Variants in BCAS3 observed in about 807,000 individuals in gnomAD.
BCAS3 encodes BCAS3 microtubule associated cell migration factor, also known as BCAS4/BCAS3 fusion.
In BCAS3, 53 loss-of-function variants were observed where a neutral mutation model predicts 116.1. The observed-to-expected ratio is 0.46, with a 90% CI of 0.37 to 0.57. The LOEUF (loss-of-function observed/expected upper bound fraction) is 0.57. Among genes scored for constraint, BCAS3 ranks in the 20% least tolerant of loss-of-function variants. The pLI, the probability that BCAS3 is intolerant of heterozygous loss-of-function variation, is 0.00. For synonymous variants in BCAS3, 391 were observed against 408.2 expected (o/e 0.96, Z 0.51); for missense variants, 917 against 1,165.4 (o/e 0.79, Z 3.10).
At chr17:60,977,605 A>T (rs1370358789) in intron 14 of BCAS3, among the ~76,000 whole-genome samples, 1 of 150,494 alleles carries the variant, frequency 6.6e-6, no homozygotes, top group Admixed American at 6.6e-5. Flanking sequence ...GCACCCACTA[A>T]CTCGTCATCT....
intron 7 of BCAS3, among the ~76,000 whole-genome samples, chr17:60,830,850 GTT>G (rs200560565): frequency 0.013 from 1,814 of 139,552 alleles, 35 homozygotes; most frequent in African/African-American, 0.041. Context: ...TAATTTTTGG[GTT>G]TTTTTTTTTT....
chr17:60,704,631 A>G (rs988328138), intron 4 of BCAS3, among the ~76,000 whole-genome samples: 1 of 152,022 alleles, frequency 6.6e-6, no homozygotes, highest in African/African-American at 2.4e-5. Flanking sequence ...ACTTGAGGTC[A>G]GGAGTTCGAG....
At position 61,111,429 on chromosome 17, in the gene BCAS3, C is replaced by T. The variant is rs1437807748; in HGVS notation, c.2425+26865C>T. Among the ~76,000 whole-genome samples the T allele has an allele frequency of 4.9e-3, 736 of 150,610 alleles. 4 individuals carry two copies. The highest frequency in any genetic ancestry group is 0.016 in the African/African-American group (666 of 41,020). On this transcript the variant is annotated intron_variant, in intron 22 of 23. Coordinates refer to ENST00000407086, the MANE Select transcript of BCAS3 (RefSeq NM_017679.5). ...GCTGAAAACCAAGGCTCGAGAACTA[C>T]GTGAAGAATGCAGAAGCCTCAGGAG... is the stretch of plus-strand genomic sequence containing the variant.
Position 61,097,636 on chromosome 17 carries a change from G to A in BCAS3, c.2425+13072G>A, listed in dbSNP as rs1293292919. On this transcript the variant is annotated intron_variant, in intron 22 of 23. Transcript: ENST00000407086. This position sits in a 1 kb window ranked among gnomAD's most constrained non-coding sequence, Gnocchi z 4.0. ...TCTTCAGGATATTTTTCAATAGACA[G>A]AAGTAAAAGAGATGGGAAACCAGTA... Among the ~76,000 whole-genome samples, 2 of 152,164 alleles carry A rather than the reference G, an allele frequency of 1.3e-5. No individual in the cohort carries two copies. The highest frequency in any genetic ancestry group is 2.9e-5 in the Non-Finnish European group (2 of 68,034).
chr17:60,966,007 A>C (rs1406893285), intron 14 of BCAS3, among the ~76,000 whole-genome samples: 1 of 152,154 alleles, frequency 6.6e-6, no homozygotes, highest in Non-Finnish European at 1.5e-5. Context: ...TAGACTTGAG[A>C]TGTCCAGTGT....
At position 61,141,919 on chromosome 17, in the gene BCAS3, AAGTT is replaced by A. The variant is rs55821840; in HGVS notation, c.2425+57358_2425+57361del. 0.83 allele frequency among the ~76,000 whole-genome samples: 116,985 copies of A among 141,552 alleles called. 51,449 individuals are homozygous for A. The highest frequency in any genetic ancestry group is 0.97 in the South Asian group (4,471 of 4,590). 92.9% of individuals were successfully genotyped at this position (141,552 alleles called of 152,430 possible). A position where few individuals can be genotyped will look rare whatever the true frequency, so the allele number is the denominator to read the frequency against. ...CACCTCAAGAAAAAAAAAAAAAAAA[AAGTT>A]AGACAATTATACAGAGATACTCAAG... On this transcript the variant is annotated intron_variant, in intron 22 of 23. Transcript: ENST00000407086. The surrounding 1 kb of genome is among the most constrained non-coding windows in gnomAD (Gnocchi z 4.3).
In BCAS3 at chr17:61,176,154, A is replaced by G. The variant is rs564988729; in HGVS notation, c.2425+91590A>G. ...ACCCTATCTCAAAAAAAAAAAAAAA[A>G]AAAAAAAGAAAAAGAAAAAGAAAAA... is the stretch of plus-strand genomic sequence containing the variant. On this transcript the variant is annotated intron_variant, in intron 22 of 23. Transcript: ENST00000407086. Among the ~76,000 whole-genome samples, 53 of 150,036 alleles carry G rather than the reference A, an allele frequency of 3.5e-4. No individual in the cohort carries two copies. The South Asian group carries it at 7.9e-3, about 22-fold the overall frequency.
rs1349707086 is a variant in BCAS3, at chr17:61,037,166, G to A, written c.1763-723G>A. The stretch of plus-strand genomic sequence containing the variant: ...TAGATGAGACATTAGGCTGATTTAG[G>A]CATACAACTAACCTTTCATGCAAGT... On this transcript the variant is annotated intron_variant, in intron 17 of 23. Coordinates refer to ENST00000407086, the MANE Select transcript of BCAS3 (RefSeq NM_017679.5). This position sits in a 1 kb window ranked among gnomAD's most constrained non-coding sequence, Gnocchi z 4.7. 1.3e-5 allele frequency among the ~76,000 whole-genome samples: 2 copies of A among 152,124 alleles called. No individual in the cohort carries two copies. The highest frequency in any genetic ancestry group is 1.9e-4 in the East Asian group (1 of 5,190).
At chr17:60,987,396 T>C (rs1365391694) in intron 14 of BCAS3, among the ~76,000 whole-genome samples, 2 of 151,984 alleles carry the variant, frequency 1.3e-5, no homozygotes, top group Non-Finnish European at 2.9e-5. Flanking sequence ...GGTATTTTGA[T>C]AGGGATTGCA....
At position 61,368,149 on chromosome 17, in the gene BCAS3, T is replaced by A; in HGVS notation, c.2426-178T>A. 2 of 564,140 alleles carry A rather than the reference T, an allele frequency of 3.5e-6. No homozygotes were observed. Among genetic ancestry groups the A allele is most frequent in the East Asian group, 5.6e-5 (2 of 35,424 alleles). 34.9% of individuals were successfully genotyped at this position (564,140 alleles called of 1,614,324 possible). A position where few individuals can be genotyped will look rare whatever the true frequency, so the allele number is the denominator to read the frequency against. ...CGGAAGTCACTCCAGAGGTCTGCAC[T>A]CTCTCAGCGGCATGAGCTATTTCTC... On this transcript the variant is annotated intron_variant, in intron 22 of 23. Coordinates refer to ENST00000407086, the MANE Select transcript of BCAS3 (RefSeq NM_017679.5). The surrounding 1 kb of genome is among the most constrained non-coding windows in gnomAD (Gnocchi z 6.0).
chr17:61,018,297 T>TG (rs1314842445), intron 16 of BCAS3, among the ~76,000 whole-genome samples: 1 of 121,806 alleles, frequency 8.2e-6, no homozygotes, highest in Non-Finnish European at 1.6e-5. Flanking sequence ...CCAGTTTTTT[T>TG]TTTTTTTTTT....
rs1449946183 is a variant in BCAS3 at position 61,370,811 on chromosome 17, A to G, written c.2593+2317A>G. Reference sequence around the variant, plus strand: ...AGGTAAAGCATCAGCCTGGTAGTGCAGCCCAGGACTTTGAAAGGGCACCCT... The same window carrying G: ...AGGTAAAGCATCAGCCTGGTAGTGCGGCCCAGGACTTTGAAAGGGCACCCT... On this transcript the variant is annotated intron_variant, in intron 23 of 23. Transcript: ENST00000407086. 3.9e-5 allele frequency among the ~76,000 whole-genome samples: 6 copies of G among 152,376 alleles called. No individual in the cohort carries two copies. In the East Asian group the frequency reaches 9.6e-4, roughly 24 times the overall value.
intron 6 of BCAS3, among the ~76,000 whole-genome samples, chr17:60,761,336 A>G (rs1478173663): frequency 6.6e-6 from 1 of 151,914 alleles, no homozygotes; most frequent in Non-Finnish European, 1.5e-5. Flanking sequence ...GACATTAGAT[A>G]TTTCTCCTAA....
rs2063700500 is a variant in BCAS3, at chr17:60,994,168, T to C, written c.1486+3933T>C. Among the ~76,000 whole-genome samples, 1 of 152,108 alleles carries C rather than the reference T, an allele frequency of 6.6e-6. No individual in the cohort carries two copies. The highest frequency in any genetic ancestry group is 2.4e-5 in the African/African-American group (1 of 41,460). On this transcript the variant is annotated intron_variant, in intron 15 of 23. Transcript: ENST00000407086. The surrounding 1 kb of genome is among the most constrained non-coding windows in gnomAD (Gnocchi z 4.4). Reference sequence around the variant, plus strand: ...ATGCAGAATTACTCATATCACTTTATATATGAAATATATATCTTGAAGTAT... The same window carrying C: ...ATGCAGAATTACTCATATCACTTTACATATGAAATATATATCTTGAAGTAT...
At chr17:61,273,686 G>A (rs1355102988) in intron 22 of BCAS3, among the ~76,000 whole-genome samples, 1 of 147,936 alleles carries the variant, frequency 6.8e-6, no homozygotes, top group Admixed American at 6.7e-5. Flanking sequence ...CCGGTTTCAT[G>A]TATCAGACCA....
At chr17:61,372,689 G>A (rs573560548) in intron 23 of BCAS3, among the ~76,000 whole-genome samples, 1 of 152,302 alleles carries the variant, frequency 6.6e-6, no homozygotes, top group African/African-American at 2.4e-5. Flanking sequence ...AGCATACGCA[G>A]TCTCTTGCCC....
At position 61,368,075 on chromosome 17, in the gene BCAS3, AC is replaced by A; in HGVS notation, c.2426-249del. On this transcript the variant is annotated intron_variant, in intron 22 of 23. Coordinates refer to ENST00000407086, the MANE Select transcript of BCAS3 (RefSeq NM_017679.5). The surrounding 1 kb of genome is among the most constrained non-coding windows in gnomAD (Gnocchi z 6.0). ...AAGGTGGTCCCTGAAGACCAGGGGA[AC>A]CCTGTAGCTCCTCAGAAACAGTTGT... 2.8e-6 allele frequency: 1 copy of A among 354,592 alleles called. No homozygotes were observed. The highest frequency in any genetic ancestry group is 2.1e-5 in the African/African-American group (1 of 48,280). The allele number at this position is 354,592 out of a possible 1,614,324, so 22.0% of individuals were successfully genotyped here. A position where few individuals can be genotyped will look rare whatever the true frequency, so the allele number is the denominator to read the frequency against.
At chr17:60,840,655 G>C (rs114398533) in intron 7 of BCAS3, among the ~76,000 whole-genome samples, 1 of 152,110 alleles carries the variant, frequency 6.6e-6, no homozygotes, top group African/African-American at 2.4e-5. Flanking sequence ...GAAACCGTTG[G>C]ATCTGAAACA....
chr17:60,748,455 T>TC (rs2042183666), intron 6 of BCAS3, among the ~76,000 whole-genome samples: 1 of 152,210 alleles, frequency 6.6e-6, no homozygotes, highest in African/African-American at 2.4e-5. Context: ...TCTCTCTTGT[T>TC]CTGTTTTTTG....
Sources: gnomAD v4.1 joint callset for allele counts (sites outside exome capture counted in the v4.1 genomes callset) on GRCh38, gnomAD v4.1.1 for gene constraint, Gnocchi (gnomAD v3.1) non-coding constraint, MANE v1.5 for transcripts, NCBI Gene and HGNC (gene_info 2026-07-23, HGNC 2026-07-21) for gene names.